The following ADK variants were observed in gnomAD, a reference collection of about 807,000 sequenced individuals.
The protein encoded by ADK is adenosine kinase.
A neutral mutation model predicts 44.7 loss-of-function variants in ADK; 24 were observed. The ratio of observed to expected loss-of-function variants is 0.54; its 90% CI spans 0.39 to 0.76. ADK has a LOEUF of 0.76. ADK is among the 30% of genes least tolerant of loss of function. The pLI, the probability that ADK is intolerant of heterozygous loss-of-function variation, is 0.00. For synonymous variants in ADK, 128 were observed against 142.6 expected (o/e 0.90, Z 0.73); for missense variants, 321 against 425.1 (o/e 0.76, Z 2.15).
At chr10:74,589,917 C>A (rs1200524037) in intron 8 of ADK, among the ~76,000 whole-genome samples, 2 of 152,068 alleles carry the variant, frequency 1.3e-5, no homozygotes, top group Admixed American at 1.3e-4. Context: ...CATACATTTT[C>A]TGAAATAAAA....
intron 2 of ADK, among the ~76,000 whole-genome samples, chr10:74,218,931 C>T (rs1268993577): frequency 6.6e-6 from 1 of 152,034 alleles, no homozygotes; most frequent in Non-Finnish European, 1.5e-5. Context: ...AATGTAAAGA[C>T]CATCAAGACT....
intron 6 of ADK, among the ~76,000 whole-genome samples, chr10:74,484,162 G>A (rs1021386801): frequency 3.3e-5 from 5 of 152,280 alleles, no homozygotes; most frequent in Admixed American, 3.3e-4. Context: ...AGTTCCGCAG[G>A]CTCTACAGGA....
At position 74,491,889 on chromosome 10, in the gene ADK, T is replaced by A. The variant is rs76254215; in HGVS notation, c.556-33367T>A. 3.7e-4 allele frequency among the ~76,000 whole-genome samples: 57 copies of A among 152,296 alleles called. 1 individual carries two copies. In the East Asian group the frequency reaches 9.8e-3, roughly 26 times the overall value. The stretch of plus-strand genomic sequence containing the variant: ...TGGAGTTGGGGAAAACATGTATGAA[T>A]CTCAGTTCTACTACTTTACCTTTTG... On this transcript the variant is annotated intron_variant, in intron 6 of 10. Transcript: ENST00000539909.
chr10:74,293,096 G>A (rs1250312391), intron 3 of ADK, among the ~76,000 whole-genome samples: 2 of 145,538 alleles, frequency 1.4e-5, no homozygotes, highest in Non-Finnish European at 3.0e-5. Flanking sequence ...AACCTGGAAG[G>A]TTGAGGCTGC....
At chr10:74,542,417 A>G (rs955430018) in intron 7 of ADK, among the ~76,000 whole-genome samples, 5 of 152,246 alleles carry the variant, frequency 3.3e-5, no homozygotes, top group East Asian at 3.8e-4. Flanking sequence ...TAAGAGCTCA[A>G]TATCTGTGTA....
intron 3 of ADK, among the ~76,000 whole-genome samples, chr10:74,267,867 G>C (rs942379158): frequency 1.3e-5 from 2 of 151,122 alleles, no homozygotes; most frequent in African/African-American, 4.9e-5. Context: ...GCTTGTTTGG[G>C]TTCCATATCT....
intron 1 of ADK, among the ~76,000 whole-genome samples, chr10:74,191,090 C>T (rs1434739770): frequency 6.6e-6 from 1 of 151,860 alleles, no homozygotes; most frequent in Non-Finnish European, 1.5e-5. Context: ...AAACGATTCC[C>T]CTGCTTCAGC....
In ADK at chr10:74,592,280, T is replaced by C. The variant is rs1018112815; in HGVS notation, c.762+2963T>C. Among the ~76,000 whole-genome samples the C allele has an allele frequency of 2.0e-5, 3 of 152,100 alleles. No individual in the cohort carries two copies. In the East Asian group the frequency reaches 5.8e-4, roughly 29 times the overall value. ...TAAGGCCTTTTATTATTCTAGAAAATCAGTTCAGACTGGAGTGTGTTTTTA... is the reference window on the plus strand; with the variant it reads ...TAAGGCCTTTTATTATTCTAGAAAACCAGTTCAGACTGGAGTGTGTTTTTA... On this transcript the variant is annotated intron_variant, in intron 8 of 10. Transcript: ENST00000539909.
chr10:74,280,461 G>A (rs1846893961), intron 3 of ADK, among the ~76,000 whole-genome samples: 1 of 120,690 alleles, frequency 8.3e-6, no homozygotes, highest in Admixed American at 8.6e-5. Context: ...TTTTAGAGTT[G>A]GGGCTTGCCT....
At position 74,153,883 on chromosome 10, in the gene ADK, T is replaced by G. The variant is rs187856532; in HGVS notation, c.65+2540T>G. On this transcript the variant is annotated intron_variant, in intron 1 of 10. Transcript: ENST00000539909. ...CAAGGCTTGTTGAGCACGTGCCAAG[T>G]CTTTTCCTTCAGTTTGTCTTTCAAG... 6.8e-4 allele frequency among the ~76,000 whole-genome samples: 103 copies of G among 152,350 alleles called. 1 individual carries two copies. The East Asian group carries it at 0.015, about 22-fold the overall frequency.
chr10:74,295,462 CAAA>C (rs34464248), intron 3 of ADK, among the ~76,000 whole-genome samples: 23 of 146,714 alleles, frequency 1.6e-4, no homozygotes, highest in South Asian at 1.1e-3. Flanking sequence ...GACTCTGTCT[CAAA>C]AAAAAAAAAA....
At chr10:74,225,368 A>G (rs1235891750) in intron 3 of ADK, among the ~76,000 whole-genome samples, 2 of 152,132 alleles carry the variant, frequency 1.3e-5, no homozygotes, top group Non-Finnish European at 2.9e-5. Context: ...GTGAGCCACT[A>G]TGCCTGGCTG....
rs752385282 is a variant in ADK at position 74,238,856 on chromosome 10, CTTTTTTT to C, written c.194+14283_194+14289del. On this transcript the variant is annotated intron_variant, in intron 3 of 10. Coordinates refer to ENST00000539909, the MANE Select transcript of ADK (RefSeq NM_006721.4). ...TTGAAAACTGCCACTTTAGCTAGTGCTTTTTTTTTTTTTTTTTTTTTTTTAAGACGGA... is the reference window on the plus strand; with the variant it reads ...TTGAAAACTGCCACTTTAGCTAGTGCTTTTTTTTTTTTTTTTTAAGACGGA... Among the ~76,000 whole-genome samples, 183 of 88,202 alleles carry C rather than the reference CTTTTTTT, an allele frequency of 2.1e-3. 4 individuals are homozygous for C. The highest frequency in any genetic ancestry group is 0.022 in the Middle Eastern group (2 of 90). 57.9% of individuals were successfully genotyped at this position (88,202 alleles called of 152,430 possible).
At chr10:74,353,028 C>G (rs1280659467) in intron 4 of ADK, among the ~76,000 whole-genome samples, 1 of 152,132 alleles carries the variant, frequency 6.6e-6, no homozygotes, top group Non-Finnish European at 1.5e-5. Context: ...GATCTAGAAC[C>G]AGACATACCA....
At position 74,242,085 on chromosome 10, in the gene ADK, C is replaced by T. The variant is rs574977819; in HGVS notation, c.194+17494C>T. 5.7e-4 allele frequency among the ~76,000 whole-genome samples: 87 copies of T among 152,282 alleles called. No individual in the cohort carries two copies. The Middle Eastern group carries it at 0.017, about 30-fold the overall frequency. On this transcript the variant is annotated intron_variant, in intron 3 of 10. Coordinates refer to ENST00000539909, the MANE Select transcript of ADK (RefSeq NM_006721.4). Reference sequence around the variant, plus strand: ...CCTTCAACATATTATGAACATTTTCCACCAAACATATTGTTCTTATGAGTA... The same window carrying T: ...CCTTCAACATATTATGAACATTTTCTACCAAACATATTGTTCTTATGAGTA...
intron 1 of ADK, among the ~76,000 whole-genome samples, chr10:74,186,097 C>T (rs1388023921): frequency 1.3e-5 from 2 of 152,078 alleles, no homozygotes; most frequent in Admixed American, 1.3e-4. Flanking sequence ...GATCTGCCTA[C>T]CTCGGCCTCC....
At chr10:74,292,164 A>G (rs1357011929) in intron 3 of ADK, among the ~76,000 whole-genome samples, 1 of 152,080 alleles carries the variant, frequency 6.6e-6, no homozygotes, top group Non-Finnish European at 1.5e-5. Context: ...GGAGCTCAGT[A>G]TTGTCTACTA....
At chr10:74,346,489 A>AT (rs937128452) in intron 4 of ADK, among the ~76,000 whole-genome samples, 36 of 151,742 alleles carry the variant, frequency 2.4e-4, no homozygotes, top group Non-Finnish European at 4.3e-4. Context: ...TTATATTTTG[A>AT]TTTTTTTCTA....
chr10:74,539,196 AT>A (rs1164135206), intron 7 of ADK, among the ~76,000 whole-genome samples: 6 of 152,000 alleles, frequency 3.9e-5, no homozygotes, highest in African/African-American at 1.4e-4. Flanking sequence ...TTATTTATTT[AT>A]TTATTATCAG....
Sources: allele counts gnomAD v4.1 joint callset (sites outside exome capture counted in the v4.1 genomes callset), GRCh38; gene constraint gnomAD v4.1.1; transcripts MANE v1.5; gene names NCBI Gene and HGNC (gene_info 2026-07-23, HGNC 2026-07-21).